The following AUTS2 variants were observed in gnomAD, a reference collection of about 807,000 sequenced individuals.
AUTS2 encodes the protein autism susceptibility gene 2 protein.
A neutral mutation model predicts 112.4 loss-of-function variants in AUTS2; 17 were observed. That is an observed-to-expected ratio of 0.15 (90% CI 0.10 to 0.23). The LOEUF (loss-of-function observed/expected upper bound fraction) is 0.23. Ranked by LOEUF, AUTS2 falls within the 10% of genes least tolerant of loss-of-function variation. The pLI, the probability that AUTS2 is intolerant of heterozygous loss-of-function variation, is 1.00. For missense variants in AUTS2, 1,510 were observed against 1,701.6 expected (o/e 0.89, Z 1.98); for synonymous variants, 751 against 702.7 (o/e 1.07, Z -1.09).
At chr7:70,787,719 T>C (rs1238531742) in intron 18 of AUTS2, among the ~76,000 whole-genome samples, 1 of 152,210 alleles carries the variant, frequency 6.6e-6, no homozygotes, top group Non-Finnish European at 1.5e-5. Context: ...AGTCTTTCTC[T>C]AGAAGACAGG....
Position 70,636,782 on chromosome 7 carries a change from G to A in AUTS2, c.691-61787G>A, listed in dbSNP as rs371284677. The stretch of plus-strand genomic sequence containing the variant: ...CCACCTCAGCCTCCCCAAGATCTGA[G>A]ACTACAGGCATGCACTACCATGCCC... On this transcript the variant is annotated intron_variant, in intron 5 of 18. Coordinates refer to ENST00000342771, the MANE Select transcript of AUTS2 (RefSeq NM_015570.4). Among the ~76,000 whole-genome samples, 32 of 151,930 alleles carry A rather than the reference G, an allele frequency of 2.1e-4. No individual in the cohort carries two copies. In the South Asian group the frequency reaches 6.5e-3, roughly 31 times the overall value.
chr7:70,620,103 C>T (rs1004253990), intron 5 of AUTS2, among the ~76,000 whole-genome samples: 28 of 152,062 alleles, frequency 1.8e-4, no homozygotes, highest in African/African-American at 3.6e-4. Context: ...GGGAGTGCTG[C>T]GGGCAGAAGT....
chr7:69,818,042 G>T (rs564539959), intron 1 of AUTS2, among the ~76,000 whole-genome samples: 2 of 152,148 alleles, frequency 1.3e-5, no homozygotes, highest in African/African-American at 4.8e-5. Flanking sequence ...ATAAGGAGCT[G>T]TCAGAGTTGA....
chr7:70,697,926 A>T (rs1585527900), intron 5 of AUTS2, among the ~76,000 whole-genome samples: 1 of 152,202 alleles, frequency 6.6e-6, no homozygotes, highest in East Asian at 1.9e-4. Context: ...TCCTCAAGCC[A>T]CTGTAATAAT....
intron 5 of AUTS2, among the ~76,000 whole-genome samples, chr7:70,689,775 C>CA (rs60869776): frequency 0.028 from 2,052 of 74,396 alleles, 51 homozygotes; most frequent in East Asian, 0.076. Context: ...GACTCCGTCT[C>CA]AAAAAAAAAA....
intron 2 of AUTS2, among the ~76,000 whole-genome samples, chr7:69,978,087 G>T (rs922654551): frequency 2.0e-5 from 3 of 152,144 alleles, no homozygotes; most frequent in Non-Finnish European, 2.9e-5. Flanking sequence ...TTTGCATGGT[G>T]CAAGGCCTGA....
intron 5 of AUTS2, among the ~76,000 whole-genome samples, chr7:70,544,485 A>T (rs961205931): frequency 3.3e-5 from 5 of 152,104 alleles, no homozygotes; most frequent in Non-Finnish European, 7.4e-5. Flanking sequence ...CCTGGTGACC[A>T]TCACAGGCAT....
At chr7:70,193,821 T>C (rs1810030148) in intron 4 of AUTS2, among the ~76,000 whole-genome samples, 2 of 152,342 alleles carry the variant, frequency 1.3e-5, no homozygotes, top group South Asian at 4.1e-4. Context: ...TGTAACCTAC[T>C]GTCAGTGTTA....
intron 5 of AUTS2, among the ~76,000 whole-genome samples, chr7:70,611,438 G>A (rs1049992339): frequency 1.6e-4 from 24 of 152,184 alleles, no homozygotes; most frequent in African/African-American, 5.5e-4. Context: ...AACATATCTA[G>A]AGAAACCCTA....
chr7:70,169,533 A>C (rs888160825), intron 4 of AUTS2, among the ~76,000 whole-genome samples: 1 of 152,156 alleles, frequency 6.6e-6, no homozygotes, highest in Admixed American at 6.5e-5. Context: ...GAGCCACCGC[A>C]TACGGCCTAT....
intron 4 of AUTS2, among the ~76,000 whole-genome samples, chr7:70,250,366 T>C (rs1786529608): frequency 6.6e-6 from 1 of 152,188 alleles, no homozygotes; most frequent in Admixed American, 6.5e-5. Flanking sequence ...CCTGCACATT[T>C]GCAGCATTCT....
intron 4 of AUTS2, among the ~76,000 whole-genome samples, chr7:70,366,983 A>G (rs530290303): frequency 1.3e-5 from 2 of 152,238 alleles, no homozygotes; most frequent in East Asian, 3.9e-4. Flanking sequence ...AAAGGTTAGG[A>G]TTAGAAATAC....
chr7:70,071,926 C>T (rs1802788158), intron 2 of AUTS2, among the ~76,000 whole-genome samples: 1 of 152,146 alleles, frequency 6.6e-6, no homozygotes, highest in East Asian at 1.9e-4. Flanking sequence ...TCGCTTGTCA[C>T]TCAAGGCATT....
intron 16 of AUTS2, 37 bp downstream of exon 16, chr7:70,785,056 C>A (rs756812528): frequency 6.2e-7 from 1 of 1,601,072 alleles, no homozygotes. Context: ...GAGATGTGTG[C>A]TTCAGGCAAC....
At position 70,474,512 on chromosome 7, in the gene AUTS2, G is replaced by C. The variant is rs544516059; in HGVS notation, c.690+38731G>C. 5.9e-5 allele frequency among the ~76,000 whole-genome samples: 9 copies of C among 152,272 alleles called. No homozygotes were observed. In the East Asian group the frequency reaches 1.7e-3, roughly 29 times the overall value. ...AGAGCTCACTATACATCTGTTCAAAGCTTGGCTTTTGGAAGTCTTTATTGT... is the reference window on the plus strand; with the variant it reads ...AGAGCTCACTATACATCTGTTCAAACCTTGGCTTTTGGAAGTCTTTATTGT... On this transcript the variant is annotated intron_variant, in intron 5 of 18. Transcript: ENST00000342771.
At chr7:69,749,059 C>A (rs962929136) in intron 1 of AUTS2, among the ~76,000 whole-genome samples, 2 of 152,040 alleles carry the variant, frequency 1.3e-5, no homozygotes, top group Non-Finnish European at 2.9e-5. Flanking sequence ...GCTTCTCTGT[C>A]TATAAATTGG....
chr7:70,145,227 T>C (rs2129575726), intron 4 of AUTS2, among the ~76,000 whole-genome samples: 1 of 152,272 alleles, frequency 6.6e-6, no homozygotes, highest in Admixed American at 6.6e-5. Flanking sequence ...TCTGTTTTGG[T>C]TATTTATAGA....
At chr7:70,628,543 A>G (rs969138933) in intron 5 of AUTS2, among the ~76,000 whole-genome samples, 3 of 113,652 alleles carry the variant, frequency 2.6e-5, no homozygotes, top group Non-Finnish European at 5.2e-5. Flanking sequence ...TGAGAGTAAA[A>G]GACCATGCTA....
chr7:69,933,550 A>G (rs1163642215), intron 2 of AUTS2, among the ~76,000 whole-genome samples: 1 of 152,256 alleles, frequency 6.6e-6, no homozygotes, highest in Non-Finnish European at 1.5e-5. Context: ...GGAAGGTCAC[A>G]GTTATGTTGG....
Sources: gnomAD v4.1 joint callset for allele counts (sites outside exome capture counted in the v4.1 genomes callset) on GRCh38, gnomAD v4.1.1 for gene constraint, MANE v1.5 for transcripts, NCBI Gene and HGNC (gene_info 2026-07-23, HGNC 2026-07-21) for gene names.